The following SORCS1 variants were observed in gnomAD, a reference collection of about 807,000 sequenced individuals.
SORCS1 encodes VPS10 domain-containing receptor SorCS1.
A neutral mutation model predicts 146.1 loss-of-function variants in SORCS1; 60 were observed. The observed-to-expected ratio is 0.41, with a 90% CI of 0.33 to 0.51. SORCS1 has a LOEUF of 0.51. Ranked by LOEUF, SORCS1 falls within the 20% of genes least tolerant of loss-of-function variation. The pLI is 0.21. For missense variants in SORCS1, 1,352 were observed against 1,487.6 expected (o/e 0.91, Z 1.50); for synonymous variants, 637 against 584.0 (o/e 1.09, Z -1.31).
At chr10:106,978,592 GT>G (rs1408994030) in intron 1 of SORCS1, among the ~76,000 whole-genome samples, 12 of 152,188 alleles carry the variant, frequency 7.9e-5, no homozygotes, top group South Asian at 2.1e-4. Flanking sequence ...GAGGTCAGGA[GT>G]TTGAGACCAG....
chr10:106,956,642 T>G, intron 1 of SORCS1, 62 bp from the exon 2 acceptor site: 2 of 1,451,970 alleles, frequency 1.4e-6, no homozygotes, highest in Non-Finnish European at 1.9e-6. Context: ...AGAACTGAAA[T>G]GGCCCAAGGG....
At chr10:106,885,200 T>G (rs1406833382) in intron 2 of SORCS1, among the ~76,000 whole-genome samples, 1 of 152,070 alleles carries the variant, frequency 6.6e-6, no homozygotes, top group Admixed American at 6.6e-5. Context: ...ATATAATTTT[T>G]TCTTCTTGCT....
chr10:107,072,481 TTAATA>T (rs1429305829), intron 1 of SORCS1, among the ~76,000 whole-genome samples: 1 of 152,056 alleles, frequency 6.6e-6, no homozygotes, highest in Non-Finnish European at 1.5e-5. Context: ...AACGATTTAG[TTAATA>T]TAATCTGTAA....
chr10:106,962,394 CAAAAAAAAAA>C (rs60616146), intron 1 of SORCS1, among the ~76,000 whole-genome samples: 4 of 62,580 alleles, frequency 6.4e-5, no homozygotes, highest in Non-Finnish European at 1.1e-4. Context: ...AACTCCATCT[CAAAAAAAAAA>C]AAAAAAAAAA....
chr10:106,622,705 C>T (rs529066417), intron 19 of SORCS1, among the ~76,000 whole-genome samples: 10 of 152,152 alleles, frequency 6.6e-5, no homozygotes, highest in Admixed American at 2.0e-4. Context: ...GTTCTGCTAA[C>T]GACTCTGTTT....
chr10:107,156,645 G>A (rs1017006093), intron 1 of SORCS1, among the ~76,000 whole-genome samples: 1 of 152,188 alleles, frequency 6.6e-6, no homozygotes, highest in African/African-American at 2.4e-5. Context: ...TAATCCTTGA[G>A]CAAGTAAAAC....
chr10:107,118,403 T>C (rs1012690060), intron 1 of SORCS1, among the ~76,000 whole-genome samples: 7 of 152,222 alleles, frequency 4.6e-5, no homozygotes, highest in Non-Finnish European at 8.8e-5. Context: ...CTTTAGCTAC[T>C]AGACAGTTTG....
chr10:106,955,387 C>A (rs762975816), intron 2 of SORCS1, among the ~76,000 whole-genome samples: 1 of 152,212 alleles, frequency 6.6e-6, no homozygotes, highest in Non-Finnish European at 1.5e-5. Context: ...CAGCAGCTGG[C>A]GCACCTGGCT....
intron 19 of SORCS1, 63 bp from the exon 20 acceptor site, chr10:106,620,624 G>A: frequency 6.5e-7 from 1 of 1,546,774 alleles, no homozygotes; most frequent in Non-Finnish European, 8.7e-7. Flanking sequence ...TGTCCTCCCT[G>A]CTCTGAAGAG....
intron 1 of SORCS1, among the ~76,000 whole-genome samples, chr10:106,978,208 G>A (rs1328931927): frequency 6.6e-6 from 1 of 152,058 alleles, no homozygotes; most frequent in Non-Finnish European, 1.5e-5. Context: ...GCCTCCCACA[G>A]TGCTGCAATT....
intron 2 of SORCS1, among the ~76,000 whole-genome samples, chr10:106,949,682 G>T (rs1954572927): frequency 6.6e-6 from 1 of 152,144 alleles, no homozygotes; most frequent in South Asian, 2.1e-4. Context: ...CACTTGCTTT[G>T]TGCCCCTCCA....
chr10:106,753,586 T>G lies in SORCS1; in HGVS notation c.959+8002A>C, dbSNP rs1193298550. Among the ~76,000 whole-genome samples, 4 of 151,932 alleles carry G rather than the reference T, an allele frequency of 2.6e-5. No individual in the cohort carries two copies. In the South Asian group the frequency reaches 8.3e-4, roughly 32 times the overall value. ...AGTGTTTTCTGATCATGGACAGGTA[T>G]GTTAGCAAAAGTTTATGAAGCTGCC... On this transcript the variant is annotated intron_variant, in intron 5 of 25. Transcript: ENST00000263054.
intron 1 of SORCS1, among the ~76,000 whole-genome samples, chr10:107,019,452 G>A (rs966081635): frequency 1.3e-5 from 2 of 152,098 alleles, no homozygotes; most frequent in East Asian, 1.9e-4. Context: ...CACAGAAAAT[G>A]TTATTGCTAG....
chr10:106,663,714 C>T (rs1047965726), intron 17 of SORCS1, among the ~76,000 whole-genome samples: 2 of 152,188 alleles, frequency 1.3e-5, no homozygotes, highest in Non-Finnish European at 2.9e-5. Flanking sequence ...GAGTTGGCTA[C>T]AGACACTGCT....
chr10:106,675,472 C>G (rs1224516081), intron 13 of SORCS1, among the ~76,000 whole-genome samples: 1 of 152,132 alleles, frequency 6.6e-6, no homozygotes, highest in Non-Finnish European at 1.5e-5. Context: ...GCTCTTGACC[C>G]TGTCCAAAAC....
chr10:106,796,975 C>G (rs552685503), intron 3 of SORCS1, among the ~76,000 whole-genome samples: 1 of 152,040 alleles, frequency 6.6e-6, no homozygotes, highest in Non-Finnish European at 1.5e-5. Context: ...GGCGTGGTGG[C>G]GGGTGCCTGT....
At chr10:106,775,387 A>C (rs1168217047) in intron 4 of SORCS1, among the ~76,000 whole-genome samples, 1 of 152,196 alleles carries the variant, frequency 6.6e-6, no homozygotes, top group African/African-American at 2.4e-5. Flanking sequence ...AATGAATTGT[A>C]AATTCTTTCT....
At chr10:106,667,364 T>A (rs11599368) in intron 17 of SORCS1, 1 of 233,088 alleles carries the variant, frequency 4.3e-6, no homozygotes, top group Non-Finnish European at 8.5e-6. Flanking sequence ...TCATCATGGA[T>A]ACAATGACGG....
chr10:106,830,333 T>C (rs1407541758), intron 2 of SORCS1, among the ~76,000 whole-genome samples: 1 of 152,182 alleles, frequency 6.6e-6, no homozygotes, highest in African/African-American at 2.4e-5. Flanking sequence ...ATTAAATAAA[T>C]TGCTTTTAAT....
Sources: allele counts gnomAD v4.1 joint callset (sites outside exome capture counted in the v4.1 genomes callset), GRCh38; gene constraint gnomAD v4.1.1; transcripts MANE v1.5; gene names NCBI Gene and HGNC (gene_info 2026-07-23, HGNC 2026-07-21).